The following SLC39A8 variants were observed in gnomAD, a reference collection of about 807,000 sequenced individuals.
SLC39A8 encodes the protein solute carrier family 39 member 8.
A neutral mutation model predicts 40.4 loss-of-function variants in SLC39A8; 15 were observed. The ratio of observed to expected loss-of-function variants is 0.37; its 90% CI spans 0.25 to 0.57. The LOEUF is 0.57. Among genes scored for constraint, SLC39A8 ranks in the 20% least tolerant of loss-of-function variants. The pLI is 0.75. For missense variants in SLC39A8, 472 were observed against 558.8 expected (o/e 0.84, Z 1.57); for synonymous variants, 223 against 221.6 (o/e 1.01, Z -0.06).
intron 3 of SLC39A8, among the ~76,000 whole-genome samples, chr4:102,315,438 T>G (rs1240659490): frequency 6.6e-6 from 1 of 152,002 alleles, no homozygotes. Context: ...ATAAAGTTTT[T>G]AAGTGTACTA....
intron 2 of SLC39A8, among the ~76,000 whole-genome samples, chr4:102,328,812 T>G (rs2149049710): frequency 1.3e-5 from 2 of 152,026 alleles, no homozygotes; most frequent in Middle Eastern, 3.4e-3. Flanking sequence ...GATCACGAGG[T>G]CAGGAGATCG....
downstream of SLC39A8, among the ~76,000 whole-genome samples, chr4:102,258,253 T>C (rs1731759157): frequency 6.6e-6 from 1 of 152,004 alleles, no homozygotes. Flanking sequence ...TACAGGTGTG[T>C]GTAAGTACTA....
chr4:102,307,315 C>T lies in SLC39A8; in HGVS notation c.552+121G>A, dbSNP rs998910857. 4 of 1,182,646 alleles carry T rather than the reference C, an allele frequency of 3.4e-6. No homozygotes were observed. The African/African-American group carries it at 6.2e-5, about 18-fold the overall frequency. 73.3% of individuals were successfully genotyped at this position (1,182,646 alleles called of 1,614,324 possible). A position where few individuals can be genotyped will look rare whatever the true frequency, so the allele number is the denominator to read the frequency against. On this transcript the variant is annotated intron_variant, in intron 4 of 8. Transcript: ENST00000356736. ...TTGCTGTGATTCAGCTTTCTCTTAT[C>T]CAAGACACTATAAACTAGACCATAA...
At chr4:102,323,316 T>TCATCATTCAG (rs1310294174) in intron 2 of SLC39A8, among the ~76,000 whole-genome samples, 1 of 152,156 alleles carries the variant, frequency 6.6e-6, no homozygotes, top group African/African-American at 2.4e-5. Context: ...TTCAACAATC[T>TCATCATTCAG]CATCATTCAG....
intron 2 of SLC39A8, among the ~76,000 whole-genome samples, chr4:102,338,186 C>CT (rs568941438): frequency 1.7e-3 from 222 of 131,158 alleles, no homozygotes; most frequent in Admixed American, 2.9e-3. Context: ...CATCTTATTT[C>CT]TTTTTTTTTT....
At chr4:102,316,041 T>G (rs1734642326) in intron 2 of SLC39A8, among the ~76,000 whole-genome samples, 2 of 151,928 alleles carry the variant, frequency 1.3e-5, no homozygotes, top group South Asian at 2.1e-4. Context: ...AAAAAATCCC[T>G]TCTTAATCAA....
chr4:102,255,536 C>T (rs190275912), intron 11 of SLC39A8, among the ~76,000 whole-genome samples: 4 of 152,242 alleles, frequency 2.6e-5, no homozygotes, highest in African/African-American at 9.6e-5. Flanking sequence ...AGAGTTTTGG[C>T]TCTCCACATC....
At chr4:102,253,166 A>C in exon 12 of SLC39A8, 1 of 311,250 alleles carries the variant, frequency 3.2e-6, no homozygotes, top group Non-Finnish European at 5.8e-6. Flanking sequence ...TTTCGGGGCG[A>C]GCGGGGAGGG....
chr4:102,335,191 A>T (rs1050766046), intron 2 of SLC39A8, among the ~76,000 whole-genome samples: 4 of 152,066 alleles, frequency 2.6e-5, no homozygotes, highest in Admixed American at 2.0e-4. Context: ...TAACATTCAA[A>T]CTCTATTACC....
At chr4:102,254,524 T>G (rs893834842) in intron 11 of SLC39A8, among the ~76,000 whole-genome samples, 3 of 152,230 alleles carry the variant, frequency 2.0e-5, no homozygotes, top group African/African-American at 7.2e-5. Flanking sequence ...TATAATTATT[T>G]CAACACTAAC....
chr4:102,327,949 T>G (rs1735289092), intron 2 of SLC39A8, among the ~76,000 whole-genome samples: 1 of 152,212 alleles, frequency 6.6e-6, no homozygotes, highest in South Asian at 2.1e-4. Flanking sequence ...AATGTGGCCC[T>G]GATGCTACAA....
chr4:102,263,157 T>A lies in SLC39A8; in HGVS notation c.1270A>T (p.Thr424Ser). 1.2e-6 allele frequency: 2 copies of A among 1,613,754 alleles called. No individual in the cohort carries two copies. The highest frequency in any genetic ancestry group is 1.7e-6 in the Non-Finnish European group (2 of 1,179,736). The change falls in exon 9 of 9, where the codon ACT becomes TCT. Residue 424 changes from threonine (T) to serine (S), a missense_variant. Physicochemically the swap from Thr to Ser is moderately conservative, Grantham distance 58. This residue lies in a region of SLC39A8 where 50 missense variants were observed against 50.5 expected (regional missense o/e 0.99). Coordinates refer to ENST00000356736, the MANE Select transcript of SLC39A8 (RefSeq NM_001135146.2). ...EMNDMLREKV[T>S]GRKTDFTFFM... ...AAGGTGAAATCGGTTTTTCTTCCAG[T>A]TACCTTTTCTCTCAGCATATCATTC...
In SLC39A8 at chr4:102,300,765, T is replaced by C. The variant is rs532857598; in HGVS notation, c.840+3552A>G. On this transcript the variant is annotated intron_variant, in intron 6 of 8. Transcript: ENST00000356736. The stretch of plus-strand genomic sequence containing the variant: ...GTTCAATCCTTTTAATGGGGTCACC[T>C]AGGTTAGATTATTTTTATAATATAA... Among the ~76,000 whole-genome samples the C allele has an allele frequency of 4.6e-5, 7 of 152,036 alleles. No individual in the cohort carries two copies. The East Asian group carries it at 1.4e-3, about 29-fold the overall frequency.
chr4:102,331,472 C>A lies in SLC39A8; in HGVS notation c.219+12972G>T, dbSNP rs549074747. Among the ~76,000 whole-genome samples, 3 of 152,200 alleles carry A rather than the reference C, an allele frequency of 2.0e-5. No individual in the cohort carries two copies. The East Asian group carries it at 5.8e-4, about 29-fold the overall frequency. The stretch of plus-strand genomic sequence containing the variant: ...TACAGCTTAAAAGGGATGTGAAGGA[C>A]CTCTTCTAGGAGAACTACAAACCAC... On this transcript the variant is annotated intron_variant, in intron 2 of 8. Transcript: ENST00000356736.
chr4:102,264,572 A>G (rs1366281760), intron 8 of SLC39A8, among the ~76,000 whole-genome samples: 3 of 152,138 alleles, frequency 2.0e-5, no homozygotes, highest in African/African-American at 7.2e-5. Flanking sequence ...AGTCCCTAGT[A>G]AGACAGTCAG....
chr4:102,264,033 A>G (rs1731980770), intron 8 of SLC39A8, among the ~76,000 whole-genome samples: 2 of 152,166 alleles, frequency 1.3e-5, no homozygotes, highest in African/African-American at 4.8e-5. Context: ...GCTTCTTTCC[A>G]ATTTCAATTA....
At chr4:102,328,098 C>T (rs1346536712) in intron 2 of SLC39A8, among the ~76,000 whole-genome samples, 1 of 152,000 alleles carries the variant, frequency 6.6e-6, no homozygotes, top group African/African-American at 2.4e-5. Context: ...ACTTTATTTC[C>T]TTCTATTTAG....
At chr4:102,268,154 T>C in intron 6 of SLC39A8, 75 bp from the exon 7 acceptor site, 1 of 1,503,428 alleles carries the variant, frequency 6.7e-7, no homozygotes, top group Non-Finnish European at 9.2e-7. Flanking sequence ...TGGAGATGGG[T>C]TGTGCTTGAG....
chr4:102,327,000 G>T (rs1325447872), intron 2 of SLC39A8, among the ~76,000 whole-genome samples: 1 of 152,174 alleles, frequency 6.6e-6, no homozygotes, highest in Non-Finnish European at 1.5e-5. Context: ...ACACATTTCT[G>T]GCCTGGCATG....
Sources: allele counts gnomAD v4.1 joint callset (sites outside exome capture counted in the v4.1 genomes callset), GRCh38; gene constraint gnomAD v4.1.1; regional missense constraint gnomAD v4.1.1; transcripts MANE v1.5; gene names NCBI Gene and HGNC (gene_info 2026-07-23, HGNC 2026-07-21).